The following LRP1B variants were observed in gnomAD, a reference collection of about 807,000 sequenced individuals.
LRP1B encodes the protein LDL receptor related protein 1B, also known as low-density lipoprotein receptor-related protein 1B.
In LRP1B, 217 loss-of-function variants were observed where a neutral mutation model predicts 556.6. The observed-to-expected ratio is 0.39, with a 90% CI of 0.35 to 0.44. The LOEUF (loss-of-function observed/expected upper bound fraction) is 0.44, where lower values mean the gene tolerates loss of function less well. Ranked by LOEUF, LRP1B falls within the 20% of genes least tolerant of loss-of-function variation. The pLI, the probability that LRP1B is intolerant of heterozygous loss-of-function variation, is 1.00. For synonymous variants in LRP1B, 2,047 were observed against 1,865.8 expected, an observed-to-expected ratio of 1.10 and a Z score of -2.50; for missense variants, 5,053 against 5,620.8, an observed-to-expected ratio of 0.90 and a Z score of 3.23.
intron 3 of LRP1B, among the ~76,000 whole-genome samples, chr2:141,322,031 C>T (rs980997034): frequency 2.0e-5 from 3 of 151,992 alleles, no homozygotes; most frequent in African/African-American, 4.8e-5. Flanking sequence ...GGCAATGGCC[C>T]CTTCTTCAGT....
At chr2:140,281,129 A>T (rs1032093863) in intron 84 of LRP1B, among the ~76,000 whole-genome samples, 2 of 151,808 alleles carry the variant, frequency 1.3e-5, no homozygotes, top group African/African-American at 4.8e-5. Flanking sequence ...TTCTCTTTTA[A>T]TGTTTCTTTT....
At chr2:141,266,635 A>C (rs1418883615) in intron 3 of LRP1B, among the ~76,000 whole-genome samples, 1 of 152,132 alleles carries the variant, frequency 6.6e-6, no homozygotes, top group African/African-American at 2.4e-5. Flanking sequence ...AACCACCTCA[A>C]CTCATTGGTG....
chr2:140,313,766 A>T (rs1684404583), intron 83 of LRP1B, among the ~76,000 whole-genome samples: 1 of 151,816 alleles, frequency 6.6e-6, no homozygotes, highest in South Asian at 2.1e-4. Flanking sequence ...CAGTACTACA[A>T]TTTTTTCTGT....
At chr2:140,903,619 A>C (rs935929131) in intron 22 of LRP1B, among the ~76,000 whole-genome samples, 13 of 152,092 alleles carry the variant, frequency 8.5e-5, no homozygotes, top group African/African-American at 3.1e-4. Flanking sequence ...ACATATGTGA[A>C]TATATGTGTC....
At chr2:140,283,443 T>C (rs1002909484) in intron 84 of LRP1B, among the ~76,000 whole-genome samples, 3 of 151,880 alleles carry the variant, frequency 2.0e-5, no homozygotes, top group Admixed American at 6.6e-5. Context: ...ATTTTCATCA[T>C]GAAAGCATGC....
chr2:141,668,483 AAGTC>A (rs1336126003), intron 2 of LRP1B, among the ~76,000 whole-genome samples: 2 of 152,190 alleles, frequency 1.3e-5, no homozygotes, highest in East Asian at 3.8e-4. Flanking sequence ...GAGGAACAGA[AAGTC>A]AGCGTGGCAG....
chr2:140,539,901 A>C (rs1680070174), intron 45 of LRP1B, among the ~76,000 whole-genome samples: 1 of 152,168 alleles, frequency 6.6e-6, no homozygotes, highest in Admixed American at 6.6e-5. Context: ...CATAGTCTTA[A>C]ATAAATCAAC....
chr2:141,110,635 A>G (rs1258975565), intron 7 of LRP1B, among the ~76,000 whole-genome samples: 1 of 124,094 alleles, frequency 8.1e-6, no homozygotes, highest in Non-Finnish European at 1.8e-5. Flanking sequence ...GTTTGTAATC[A>G]TGATTTTTTT....
chr2:141,529,266 G>A (rs923957109), intron 2 of LRP1B, among the ~76,000 whole-genome samples: 1 of 152,146 alleles, frequency 6.6e-6, no homozygotes, highest in Admixed American at 6.5e-5. Flanking sequence ...TATAGAAAAT[G>A]GTTTCAAGAA....
rs2105262616 is a variant in LRP1B at position 140,419,275 on chromosome 2, A to G, written c.10414+23229T>C. Among the ~76,000 whole-genome samples the G allele has an allele frequency of 2.0e-5, 3 of 152,348 alleles. No individual in the cohort carries two copies. The South Asian group carries it at 6.2e-4, about 32-fold the overall frequency. On this transcript the variant is annotated intron_variant, in intron 66 of 90. Transcript: ENST00000389484. ...GAAACATAATTCCAAAAATGTGTGCATTAACAACAAAATTTCAAAAGATAA... is the reference window on the plus strand; with the variant it reads ...GAAACATAATTCCAAAAATGTGTGCGTTAACAACAAAATTTCAAAAGATAA...
chr2:140,527,461 G>T (rs2104973870), intron 47 of LRP1B, among the ~76,000 whole-genome samples: 1 of 151,956 alleles, frequency 6.6e-6, no homozygotes, highest in East Asian at 1.9e-4. Flanking sequence ...TTACAAAAGG[G>T]TGTGTATGTC....
In LRP1B at chr2:142,115,574, A is replaced by T. The variant is rs796708900; in HGVS notation, c.82+15074T>A. Among the ~76,000 whole-genome samples the T allele has an allele frequency of 1.1e-3, 27 of 24,352 alleles. 4 individuals carry two copies. The highest frequency in any genetic ancestry group is 1.7e-3 in the African/African-American group (18 of 10,464). The allele number at this position is 24,352 out of a possible 152,430, so 16.0% of individuals were successfully genotyped here. On this transcript the variant is annotated intron_variant, in intron 1 of 90. Transcript: ENST00000389484. ...ATATATTATATATGTAATATATATTATATATGTAATATATATATTATATAT... is the reference window on the plus strand; with the variant it reads ...ATATATTATATATGTAATATATATTTTATATGTAATATATATATTATATAT...
chr2:141,649,741 G>T (rs925328480), intron 2 of LRP1B, among the ~76,000 whole-genome samples: 24 of 152,102 alleles, frequency 1.6e-4, no homozygotes, highest in African/African-American at 5.6e-4. Context: ...TTTTAAAAAT[G>T]ATACCCTATT....
Position 141,822,171 on chromosome 2 carries a change from C to T in LRP1B, c.83-11770G>A, listed in dbSNP as rs369454647. 2.5e-4 allele frequency among the ~76,000 whole-genome samples: 25 copies of T among 98,870 alleles called. No homozygotes were observed. In the East Asian group the frequency reaches 2.9e-3, roughly 12 times the overall value. The allele number at this position is 98,870 out of a possible 152,430, so 64.9% of individuals were successfully genotyped here. A position where few individuals can be genotyped will look rare whatever the true frequency, so the allele number is the denominator to read the frequency against. On this transcript the variant is annotated intron_variant, in intron 1 of 90. Coordinates refer to ENST00000389484, the MANE Select transcript of LRP1B (RefSeq NM_018557.3). ...GAGAGAGAGAGATAATAGTAAAAAC[C>T]CTGTCTTTTATTTAGCAAGAGACAA...
intron 2 of LRP1B, among the ~76,000 whole-genome samples, chr2:141,795,948 A>T (rs1466243851): frequency 7.2e-6 from 1 of 139,600 alleles, no homozygotes; most frequent in Non-Finnish European, 1.5e-5. Flanking sequence ...AATCTTGATC[A>T]CAAAGGATGC....
intron 2 of LRP1B, among the ~76,000 whole-genome samples, chr2:141,662,768 T>C (rs1690270068): frequency 6.6e-6 from 1 of 151,768 alleles, no homozygotes; most frequent in Non-Finnish European, 1.5e-5. Flanking sequence ...TTAGACAGAT[T>C]ATTGAGACAA....
At chr2:141,874,084 ATTTTTTTTTTTTTT>A (rs200281267) in intron 1 of LRP1B, among the ~76,000 whole-genome samples, 11 of 103,122 alleles carry the variant, frequency 1.1e-4, no homozygotes, top group Non-Finnish European at 1.1e-4. Flanking sequence ...TGAACTAACA[ATTTTTTTTTTTTTT>A]TTTTTTTTTT....
At chr2:140,736,299 C>A (rs1687944180) in intron 35 of LRP1B, among the ~76,000 whole-genome samples, 1 of 152,072 alleles carries the variant, frequency 6.6e-6, no homozygotes, top group Admixed American at 6.6e-5. Context: ...CCAAGAAGTT[C>A]AGTGGTTACT....
intron 66 of LRP1B, among the ~76,000 whole-genome samples, chr2:140,407,439 G>C (rs1684789377): frequency 6.6e-6 from 1 of 151,886 alleles, no homozygotes; most frequent in Non-Finnish European, 1.5e-5. Context: ...TCCGACAAAG[G>C]AATAGTATCC....
Sources: gnomAD v4.1 joint callset for allele counts (sites outside exome capture counted in the v4.1 genomes callset) on GRCh38, gnomAD v4.1.1 for gene constraint, MANE v1.5 for transcripts, NCBI Gene and HGNC (gene_info 2026-07-23, HGNC 2026-07-21) for gene names.